The following ROR2 variants were observed in gnomAD, a reference collection of about 807,000 sequenced individuals.
ROR2 encodes ROR family WNT receptor 2.
A neutral mutation model predicts 74.9 loss-of-function variants in ROR2; 33 were observed. The observed-to-expected ratio is 0.44, with a 90% CI of 0.33 to 0.59. The LOEUF (loss-of-function observed/expected upper bound fraction) is 0.59. Among genes scored for constraint, ROR2 ranks in the 20% least tolerant of loss-of-function variants. The probability of loss-of-function intolerance (pLI) is 0.02; values close to 1 mark genes in which losing one functional copy is unlikely to be tolerated. For missense variants in ROR2, 1,216 were observed against 1,313.8 expected (o/e 0.93, Z 1.15); for synonymous variants, 586 against 558.7 (o/e 1.05, Z -0.69).
chr9:91,904,976 C>T (rs1448211047), intron 1 of ROR2, among the ~76,000 whole-genome samples: 1 of 151,876 alleles, frequency 6.6e-6, no homozygotes, highest in Non-Finnish European at 1.5e-5. Context: ...TCACATGCCA[C>T]ACAACATACA....
At chr9:91,806,845 A>G (rs2494788) in intron 1 of ROR2, among the ~76,000 whole-genome samples, 1 of 152,056 alleles carries the variant, frequency 6.6e-6, no homozygotes, top group Non-Finnish European at 1.5e-5. Flanking sequence ...CGCCTCGGCC[A>G]CCCAAAGTGC....
At chr9:91,925,002 A>G (rs1831360408) in intron 1 of ROR2, among the ~76,000 whole-genome samples, 2 of 151,814 alleles carry the variant, frequency 1.3e-5, no homozygotes, top group Middle Eastern at 3.2e-3. Flanking sequence ...GAGCCACCAC[A>G]CCTGGCTATT....
chr9:91,909,772 C>T (rs1377427117), intron 1 of ROR2, among the ~76,000 whole-genome samples: 6 of 139,610 alleles, frequency 4.3e-5, no homozygotes, highest in East Asian at 2.1e-4. Flanking sequence ...ACATACTGTG[C>T]TTTTTCTTCA....
chr9:91,940,944 T>C (rs190610233), intron 1 of ROR2, among the ~76,000 whole-genome samples: 63 of 151,976 alleles, frequency 4.1e-4, no homozygotes, highest in Middle Eastern at 3.4e-3. Flanking sequence ...AACTCCATTG[T>C]TCATTGCACT....
intron 1 of ROR2, among the ~76,000 whole-genome samples, chr9:91,902,007 C>G (rs535542461): frequency 6.6e-6 from 1 of 152,270 alleles, no homozygotes; most frequent in South Asian, 2.1e-4. Flanking sequence ...ATACCTCCCT[C>G]AATTCATTCA....
chr9:91,900,011 T>C (rs1830631921), intron 1 of ROR2, among the ~76,000 whole-genome samples: 1 of 152,154 alleles, frequency 6.6e-6, no homozygotes, highest in South Asian at 2.1e-4. Flanking sequence ...GGCTTGATAA[T>C]TTAGTAAAAC....
intron 1 of ROR2, among the ~76,000 whole-genome samples, chr9:91,927,853 C>T (rs55884190): frequency 0.36 from 55,144 of 151,916 alleles, 11,831 homozygotes; most frequent in African/African-American, 0.61. Context: ...CGTGAGCCAC[C>T]GCGCCCAGCC....
intron 1 of ROR2, among the ~76,000 whole-genome samples, chr9:91,913,085 C>A (rs1395186511): frequency 1.3e-5 from 2 of 152,098 alleles, no homozygotes; most frequent in African/African-American, 4.8e-5. Context: ...GTCGAGATCA[C>A]GCCACTGCAC....
intron 1 of ROR2, among the ~76,000 whole-genome samples, chr9:91,884,470 A>T (rs2119374868): frequency 8.4e-6 from 1 of 119,212 alleles, no homozygotes; most frequent in African/African-American, 4.2e-5. Flanking sequence ...ACCTTTGATT[A>T]CCTTTAAAAA....
chr9:91,731,218 T>A (rs933105125), intron 6 of ROR2, 63 bp from the exon 7 acceptor site: 2 of 1,608,032 alleles, frequency 1.2e-6, no homozygotes, highest in Non-Finnish European at 1.7e-6. Flanking sequence ...TGCCTACACA[T>A]GCCCAAACTA....
intron 6 of ROR2, among the ~76,000 whole-genome samples, chr9:91,732,304 GA>G (rs1837270761): frequency 6.6e-6 from 1 of 152,184 alleles, no homozygotes; most frequent in Admixed American, 6.5e-5. Context: ...CTGCCATCCT[GA>G]CTGGCCATGG....
intron 4 of ROR2, among the ~76,000 whole-genome samples, chr9:91,747,001 C>T (rs566193316): frequency 6.6e-6 from 1 of 152,234 alleles, no homozygotes; most frequent in Admixed American, 6.5e-5. Flanking sequence ...CGCCCCACCC[C>T]ACCACTTCCC....
intron 1 of ROR2, among the ~76,000 whole-genome samples, chr9:91,880,553 A>C (rs575850447): frequency 1.2e-4 from 19 of 152,350 alleles, no homozygotes; most frequent in African/African-American, 4.1e-4. Flanking sequence ...CTCCCCACCA[A>C]ATACCAAATG....
At chr9:91,872,899 C>T (rs1196673774) in intron 1 of ROR2, among the ~76,000 whole-genome samples, 1 of 152,156 alleles carries the variant, frequency 6.6e-6, no homozygotes, top group Non-Finnish European at 1.5e-5. Flanking sequence ...AGGAACCAGG[C>T]CCATGCAGGT....
chr9:91,767,564 C>G (rs1826098031), intron 2 of ROR2, among the ~76,000 whole-genome samples: 2 of 152,226 alleles, frequency 1.3e-5, no homozygotes, highest in South Asian at 4.1e-4. Context: ...CCTGGAAGGG[C>G]ACATGGAATG....
intron 1 of ROR2, among the ~76,000 whole-genome samples, chr9:91,933,295 G>A (rs1343420217): frequency 5.3e-5 from 8 of 152,074 alleles, no homozygotes; most frequent in Admixed American, 1.3e-4. Flanking sequence ...CAGCCTGGGC[G>A]ACAGGGCCAG....
Position 91,812,061 on chromosome 9 carries a change from C to CAA in ROR2, c.98-36245_98-36244dup, listed in dbSNP as rs527726654. Among the ~76,000 whole-genome samples, 1,228 of 133,398 alleles carry CAA rather than the reference C, an allele frequency of 9.2e-3. 9 individuals carry two copies. The highest frequency in any genetic ancestry group is 0.026 in the African/African-American group (958 of 37,232). The allele number at this position is 133,398 out of a possible 152,430, so 87.5% of individuals were successfully genotyped here. A position where few individuals can be genotyped will look rare whatever the true frequency, so the allele number is the denominator to read the frequency against. On this transcript the variant is annotated intron_variant, in intron 1 of 8. Transcript: ENST00000375708. ...GACAGCTGATGAGCTTAAAAAAATG[C>CAA]AAAAAAAAAAAAAAAATCTTATACT... is the stretch of plus-strand genomic sequence containing the variant.
At chr9:91,916,701 G>A (rs1159859840) in intron 1 of ROR2, among the ~76,000 whole-genome samples, 1 of 152,154 alleles carries the variant, frequency 6.6e-6, no homozygotes, top group African/African-American at 2.4e-5. Flanking sequence ...TCCAGGTCCT[G>A]ACACTGGGAT....
chr9:91,783,559 T>C (rs1826693152), intron 1 of ROR2, among the ~76,000 whole-genome samples: 1 of 152,158 alleles, frequency 6.6e-6, no homozygotes, highest in Admixed American at 6.5e-5. Context: ...AGCCATCTGC[T>C]GAGACCGGCA....
Sources: gnomAD v4.1 joint callset for allele counts (sites outside exome capture counted in the v4.1 genomes callset) on GRCh38, gnomAD v4.1.1 for gene constraint, MANE v1.5 for transcripts, NCBI Gene and HGNC (gene_info 2026-07-23, HGNC 2026-07-21) for gene names.